Variants in LOC400499 observed in about 807,000 individuals in gnomAD.
At chr16:11,438,476 A>G in the LOC400499 span, among the ~76,000 whole-genome samples, 1 of 152,084 alleles carries the variant, frequency 6.6e-6, no homozygotes, top group Non-Finnish European at 1.5e-5. Flanking sequence ...GGTGTTTAAA[A>G]AAATGCTATC....
At chr16:11,500,511 AAAT>A in the LOC400499 span, among the ~76,000 whole-genome samples, 35 of 143,898 alleles carry the variant, frequency 2.4e-4, no homozygotes, top group South Asian at 4.5e-4. Flanking sequence ...ACTCCGTCCT[AAAT>A]AATAATAATA....
chr16:11,399,358 C>T, the LOC400499 span: 32 of 855,890 alleles, frequency 3.7e-5, no homozygotes, highest in South Asian at 1.8e-4. Context: ...GTAAGTTGCC[C>T]AGGATCCCGC....
At chr16:11,498,405 C>A in the LOC400499 span, among the ~76,000 whole-genome samples, 3 of 152,082 alleles carry the variant, frequency 2.0e-5, no homozygotes, top group Admixed American at 6.6e-5. Flanking sequence ...TCACTTGAAC[C>A]CGGGAGGTGG....
At chr16:11,463,967 A>G in the LOC400499 span, among the ~76,000 whole-genome samples, 16 of 152,264 alleles carry the variant, frequency 1.1e-4, no homozygotes, top group African/African-American at 3.9e-4. Context: ...ATGTGAAAAG[A>G]TATGTATATA....
At chr16:11,383,923 TCGAAGAAGGCCC>T in the LOC400499 span, 1 of 1,231,832 alleles carries the variant, frequency 8.1e-7, no homozygotes, top group Non-Finnish European at 1.0e-6. Context: ...GTGGGGGCCC[TCGAAGAAGGCCC>T]AGCAGGCGGG....
chr16:11,502,872 C>T, the LOC400499 span, among the ~76,000 whole-genome samples: 861 of 148,348 alleles, frequency 5.8e-3, 10 homozygotes, highest in African/African-American at 0.02. Context: ...CCTCGGCCTT[C>T]CAAAGTGCTG....
At chr16:11,392,440 C>G in the LOC400499 span, 32 of 398,946 alleles carry the variant, frequency 8.0e-5, no homozygotes, top group Non-Finnish European at 1.4e-4. Flanking sequence ...GGAACAGGAC[C>G]TCCGCCTCGG....
chr16:11,401,514 G>A, the LOC400499 span: 1 of 398,712 alleles, frequency 2.5e-6, no homozygotes, highest in Non-Finnish European at 4.4e-6. Flanking sequence ...CAAAAGGGCA[G>A]GTGGCTTTCA....
chr16:11,407,065 T>C, the LOC400499 span: 10 of 392,546 alleles, frequency 2.5e-5, no homozygotes, highest in Admixed American at 8.9e-5. Flanking sequence ...ATCCAGCACA[T>C]TGTGTCCATT....
At chr16:11,491,236 C>A in the LOC400499 span, among the ~76,000 whole-genome samples, 3 of 152,178 alleles carry the variant, frequency 2.0e-5, no homozygotes, top group Non-Finnish European at 4.4e-5. Context: ...GAAAATTTTT[C>A]AACAATCAGT....
At chr16:11,448,145 G>A in the LOC400499 span, 1 of 1,482,398 alleles carries the variant, frequency 6.7e-7, no homozygotes, top group Non-Finnish European at 8.9e-7. Context: ...TTGCAGGAAG[G>A]CAAGAGGTAG....
At chr16:11,388,035 G>T in the LOC400499 span, among the ~76,000 whole-genome samples, 1 of 152,148 alleles carries the variant, frequency 6.6e-6, no homozygotes, top group Non-Finnish European at 1.5e-5. Flanking sequence ...CAGCTCACAT[G>T]GGGGTATAGT....
At chr16:11,522,127 GAGA>G in the LOC400499 span, 3 of 398,966 alleles carry the variant, frequency 7.5e-6, no homozygotes, top group Admixed American at 1.3e-4. Context: ...AGGGCAGAGA[GAGA>G]GACAGCAATG....
chr16:11,378,315 G>C, the LOC400499 span, among the ~76,000 whole-genome samples: 1 of 150,240 alleles, frequency 6.7e-6, no homozygotes, highest in East Asian at 1.9e-4. Flanking sequence ...CCAGGCTGGA[G>C]TGCAGTGGCA....
At chr16:11,423,631 C>T in the LOC400499 span, among the ~76,000 whole-genome samples, 1 of 152,274 alleles carries the variant, frequency 6.6e-6, no homozygotes, top group South Asian at 2.1e-4. Context: ...CCTGCTCACT[C>T]ACATTCCCTC....
the LOC400499 span, chr16:11,521,944 A>T: frequency 2.3e-5 from 9 of 399,080 alleles, no homozygotes; most frequent in Non-Finnish European, 4.0e-5. Flanking sequence ...TTGCCCAAAG[A>T]CACTCACCCA....
At chr16:11,402,043 C>T in the LOC400499 span, 1 of 399,178 alleles carries the variant, frequency 2.5e-6, no homozygotes. Context: ...TTACCTGGTC[C>T]CTGCCATCCC....
the LOC400499 span, among the ~76,000 whole-genome samples, chr16:11,421,393 T>C: frequency 6.6e-6 from 1 of 151,754 alleles, no homozygotes; most frequent in Non-Finnish European, 1.5e-5. Context: ...TCACTCACTC[T>C]GGTATTTTTT....
chr16:11,434,163 A>G, the LOC400499 span, among the ~76,000 whole-genome samples: 1 of 152,200 alleles, frequency 6.6e-6, no homozygotes, highest in East Asian at 1.9e-4. Context: ...AGTGGGCAGC[A>G]GAACCTAGGT....
Sources: gnomAD v4.1 joint callset for allele counts (sites outside exome capture counted in the v4.1 genomes callset) on GRCh38, gnomAD v4.1.1 for gene constraint, MANE v1.5 for transcripts.